Variants in CCNF observed in about 807,000 individuals in gnomAD.
The protein encoded by CCNF is cyclin-F.
CCNF carries 30 observed loss-of-function variants against 85.4 expected under a neutral mutation model. The ratio of observed to expected loss-of-function variants is 0.35; its 90% CI spans 0.26 to 0.48. The LOEUF (loss-of-function observed/expected upper bound fraction) is 0.48, where lower values mean the gene tolerates loss of function less well. Ranked by LOEUF, CCNF falls within the 20% of genes least tolerant of loss-of-function variation. CCNF has a pLI of 0.99. For synonymous variants in CCNF, 439 were observed against 425.1 expected (o/e 1.03, Z -0.40); for missense variants, 919 against 1,010.4 (o/e 0.91, Z 1.23).
chr16:2,454,181 G>T (rs796534254), intron 15 of CCNF, among the ~76,000 whole-genome samples: 20 of 152,280 alleles, frequency 1.3e-4, no homozygotes, highest in African/African-American at 4.6e-4. Context: ...ATAGGACCAG[G>T]CAGGGCTGCC....
intron 6 of CCNF, among the ~76,000 whole-genome samples, chr16:2,438,642 GAAA>G (rs932243743): frequency 1.8e-5 from 2 of 114,186 alleles, no homozygotes; most frequent in Non-Finnish European, 1.9e-5. Context: ...CTCAGTCTCA[GAAA>G]AAAAAAAAAA....
At chr16:2,444,393 G>A (rs538484045) in intron 9 of CCNF, among the ~76,000 whole-genome samples, 1 of 143,582 alleles carries the variant, frequency 7.0e-6, no homozygotes, top group South Asian at 2.2e-4. Context: ...TCCACCTCCC[G>A]GGTTCACACC....
At chr16:2,449,593 T>C in intron 12 of CCNF, 131 bp downstream of exon 12, 1 of 915,860 alleles carries the variant, frequency 1.1e-6, no homozygotes, top group South Asian at 1.7e-5. Flanking sequence ...ACAGCACGGC[T>C]CCTACCTTCA....
rs1222720872 is a variant in CCNF at position 2,449,299 on chromosome 16, T to G, written c.1236T>G (p.Asp412Glu). The G allele has an allele frequency of 6.2e-7, 1 of 1,613,726 alleles. No individual in the cohort carries two copies. The highest frequency in any genetic ancestry group is 8.5e-7 in the Non-Finnish European group (1 of 1,179,928). ...CTGTCTAGGTCCCCACTGTGGTGGA[T>G]TACAAGGAGGTCCTGCTGACGCTAG... is the stretch of plus-strand genomic sequence containing the variant. The part of the protein sequence containing the change: ...EGKIRVPTVV[D>E]YKEVLLTLVP... The change falls in exon 12 of 17, where the codon GAT becomes GAG. Residue 412 changes from aspartate (D) to glutamate (E), a missense_variant. Transcript: ENST00000397066.
At chr16:2,432,243 T>C (rs1010236685) in intron 2 of CCNF, among the ~76,000 whole-genome samples, 1 of 152,176 alleles carries the variant, frequency 6.6e-6, no homozygotes, top group East Asian at 1.9e-4. Flanking sequence ...AACACTGAAA[T>C]GGACTCTAGG....
chr16:2,445,284 C>T (rs766171799), intron 9 of CCNF, 174 bp from the exon 10 acceptor site: 10 of 685,780 alleles, frequency 1.5e-5, no homozygotes, highest in South Asian at 5.3e-5. Context: ...CTGGGACCCA[C>T]GGAGCCTCCC....
chr16:2,456,438 G>T lies in CCNF; in HGVS notation c.1886-107G>T. 1 of 729,180 alleles carries T rather than the reference G, an allele frequency of 1.4e-6. No homozygotes were observed. The highest frequency in any genetic ancestry group is 2.8e-5 in the East Asian group (1 of 35,410). The allele number at this position is 729,180 out of a possible 1,614,324, so 45.2% of individuals were successfully genotyped here. On this transcript the variant is annotated intron_variant, in intron 16 of 16. Transcript: ENST00000397066. This position sits in a 1 kb window ranked among gnomAD's most constrained non-coding sequence, Gnocchi z 4.5. ...CAGGAGGGTAACACAGGGGACCGTA[G>T]CAAGGTAGAAGATTCTTGACCTGGA...
At chr16:2,445,842 C>T (rs2065359651) in intron 10 of CCNF, among the ~76,000 whole-genome samples, 3 of 151,980 alleles carry the variant, frequency 2.0e-5, no homozygotes, top group Admixed American at 2.0e-4. Context: ...ATTCTTCTGC[C>T]TCAGCCTCCA....
Position 2,453,807 on chromosome 16 carries a change from G to A in CCNF, c.1715+270G>A, listed in dbSNP as rs938077406. Among the ~76,000 whole-genome samples the A allele has an allele frequency of 3.3e-5, 5 of 152,178 alleles. No individual in the cohort carries two copies. Among genetic ancestry groups the A allele is most frequent in the Admixed American group, 2.6e-4 (4 of 15,288 alleles). On this transcript the variant is annotated intron_variant, in intron 15 of 16. Coordinates refer to ENST00000397066, the MANE Select transcript of CCNF (RefSeq NM_001761.3). The surrounding 1 kb of genome is among the most constrained non-coding windows in gnomAD (Gnocchi z 5.6). ...TGGAGGAAGATGGTTTCGAGCACGC[G>A]GGAGCCTAGCCTGGCTCTAGCCCTG...
chr16:2,451,667 C>G lies in CCNF; in HGVS notation c.1488-1543C>G, dbSNP rs1040027351. 6.6e-6 allele frequency among the ~76,000 whole-genome samples: 1 copy of G among 152,178 alleles called. No homozygotes were observed. The highest frequency in any genetic ancestry group is 6.5e-5 in the Admixed American group (1 of 15,278). On this transcript the variant is annotated intron_variant, in intron 13 of 16. Transcript: ENST00000397066. This position sits in a 1 kb window ranked among gnomAD's most constrained non-coding sequence, Gnocchi z 4.3. Reference sequence around the variant, plus strand: ...CCGGGCTCAAGGGATTCTTTTGTGTCAGCCTCCCGAGTAGCAGAAACCACA... The same window carrying G: ...CCGGGCTCAAGGGATTCTTTTGTGTGAGCCTCCCGAGTAGCAGAAACCACA...
intron 8 of CCNF, among the ~76,000 whole-genome samples, chr16:2,442,984 T>A (rs1185695701): frequency 9.1e-6 from 1 of 109,816 alleles, no homozygotes; most frequent in Non-Finnish European, 1.7e-5. Context: ...TATTATATAT[T>A]ATTTATGTTA....
chr16:2,438,978 AC>A (rs1457424658), intron 6 of CCNF, among the ~76,000 whole-genome samples: 2 of 151,490 alleles, frequency 1.3e-5, no homozygotes, highest in African/African-American at 4.9e-5. Context: ...GGCCTGGGTG[AC>A]AGAGGGAGAC....
intron 1 of CCNF, among the ~76,000 whole-genome samples, chr16:2,429,778 CCGGCGATCGGGTCCCGGGG>C (rs1235414790): frequency 3.5e-5 from 5 of 141,320 alleles, no homozygotes; most frequent in African/African-American, 1.3e-4. Context: ...GGGCAGCGAT[CCGGCGATCGGGTCCCGGGG>C]CGGCGATCGG....
Position 2,429,490 on chromosome 16 carries a change from C to A in CCNF, c.9C>A (p.Ser3Arg), listed in dbSNP as rs1472073974. The change falls in exon 1 of 17, where the codon AGC becomes AGA. Residue 3 changes from serine to arginine, a missense_variant. Ser to Arg is a moderately radical substitution (Grantham distance 110, BLOSUM62 -1). This residue lies in a region of CCNF where 410 missense variants were observed against 478.6 expected (regional missense o/e 0.86). Transcript: ENST00000397066. MGSGGVVHCRCAK... is the reference protein window; with the variant it reads MGRGGVVHCRCAK... Reference sequence around the variant, plus strand: ...GCGACGCGAGCGCGGCGATGGGGAGCGGCGGCGGTGAGTGCGGGGCGATGT... The same window carrying A: ...GCGACGCGAGCGCGGCGATGGGGAGAGGCGGCGGTGAGTGCGGGGCGATGT... 1.6e-6 allele frequency: 2 copies of A among 1,230,922 alleles called. No individual in the cohort carries two copies. Among genetic ancestry groups the A allele is most frequent in the Non-Finnish European group, 2.0e-6 (2 of 987,516 alleles). The allele number at this position is 1,230,922 out of a possible 1,614,324, so 76.2% of individuals were successfully genotyped here.
At position 2,445,742 on chromosome 16, in the gene CCNF, T is replaced by TTC. The variant is rs1555497788; in HGVS notation, c.1094+120_1094+121insTC. On this transcript the variant is annotated intron_variant, in intron 10 of 16. Coordinates refer to ENST00000397066, the MANE Select transcript of CCNF (RefSeq NM_001761.3). ...TTGTTTTGTGTTGTTTTTTTTTTTT[T>TTC]CCCGAGACCAAGTCTCGCTCTGTCA... The TTC allele has an allele frequency of 6.2e-4, 624 of 1,008,068 alleles. 1 individual carries two copies. The highest frequency in any genetic ancestry group is 2.2e-3 in the East Asian group (82 of 37,762). 62.4% of individuals were successfully genotyped at this position (1,008,068 alleles called of 1,614,324 possible).
chr16:2,448,302 C>A (rs1455238447), intron 10 of CCNF, among the ~76,000 whole-genome samples: 1 of 152,234 alleles, frequency 6.6e-6, no homozygotes, highest in Admixed American at 6.5e-5. Context: ...GCACTTGGGC[C>A]TTTTGCAGAC....
At chr16:2,448,028 G>A (rs113579900) in intron 10 of CCNF, among the ~76,000 whole-genome samples, 3 of 152,358 alleles carry the variant, frequency 2.0e-5, no homozygotes, top group Admixed American at 1.3e-4. Context: ...GCGGGGGGCC[G>A]CTGGAGCAGC....
chr16:2,453,261 G>T lies in CCNF; in HGVS notation c.1539G>T (p.Val513=). The part of the protein sequence containing the change: ...KDYRQVSLTA[V]KQRFEDKRYG... ...ACAGGCAAGTCTCTCTGACCGCCGT[G>T]AAGCAGCGGTTTGAGGACAAGCGCT... Residue 513 remains valine, a synonymous_variant, in exon 14 of 17, where the codon GTG becomes GTT. Transcript: ENST00000397066. This position sits in a 1 kb window ranked among gnomAD's most constrained non-coding sequence, Gnocchi z 5.6. 6.2e-7 allele frequency: 1 copy of T among 1,613,952 alleles called. No homozygotes were observed.
chr16:2,447,753 CA>C (rs113578655), intron 10 of CCNF, among the ~76,000 whole-genome samples: 41 of 142,330 alleles, frequency 2.9e-4, no homozygotes, highest in South Asian at 2.2e-4. Flanking sequence ...AACTCTGTCT[CA>C]AAAAAAAAAA....
Sources: gnomAD v4.1 joint callset for allele counts (sites outside exome capture counted in the v4.1 genomes callset) on GRCh38, gnomAD v4.1.1 for gene constraint, gnomAD v4.1.1 regional missense constraint, Gnocchi (gnomAD v3.1) non-coding constraint, MANE v1.5 for transcripts, NCBI Gene and HGNC (gene_info 2026-07-23, HGNC 2026-07-21) for gene names.